TANC1: variants seen among roughly 807,000 people sequenced by gnomAD.
The protein encoded by TANC1 is protein TANC1.
A neutral mutation model predicts 149.7 loss-of-function variants in TANC1; 77 were observed. The observed-to-expected ratio is 0.51, with a 90% CI of 0.43 to 0.62. The LOEUF is 0.62. Among genes scored for constraint, TANC1 ranks in the 20% least tolerant of loss-of-function variants. TANC1 has a pLI of 0.00. For missense variants in TANC1, 1,985 were observed against 2,321.8 expected, an observed-to-expected ratio of 0.85 and a Z score of 2.98; for synonymous variants, 854 against 925.0, an observed-to-expected ratio of 0.92 and a Z score of 1.39.
rs188421479 is a variant in TANC1 at position 158,993,012 on chromosome 2, G to A, written c.-125-8068G>A. 9.9e-5 allele frequency among the ~76,000 whole-genome samples: 15 copies of A among 152,244 alleles called. No homozygotes were observed. The East Asian group carries it at 2.9e-3, about 29-fold the overall frequency. ...ATCTCTTCCTAGACTCTTGGGGCTGGTATGACCTCTTTGTCATTAGAATCA... is the reference window on the plus strand; with the variant it reads ...ATCTCTTCCTAGACTCTTGGGGCTGATATGACCTCTTTGTCATTAGAATCA... On this transcript the variant is annotated intron_variant, in intron 1 of 26. Coordinates refer to ENST00000263635, the MANE Select transcript of TANC1 (RefSeq NM_033394.3).
intron 1 of TANC1, among the ~76,000 whole-genome samples, chr2:158,991,872 A>G (rs2035666361): frequency 1.3e-5 from 2 of 152,250 alleles, no homozygotes; most frequent in African/African-American, 2.4e-5. Flanking sequence ...AGTATTATGC[A>G]TAATGCTAGA....
At chr2:159,039,870 C>T (rs902956116) in intron 2 of TANC1, among the ~76,000 whole-genome samples, 3 of 152,190 alleles carry the variant, frequency 2.0e-5, no homozygotes, top group African/African-American at 7.2e-5. Context: ...ATTAGGTCCA[C>T]TTGGTGCAGA....
intron 2 of TANC1, among the ~76,000 whole-genome samples, chr2:159,054,049 C>T (rs1034564225): frequency 6.6e-5 from 10 of 152,016 alleles, no homozygotes; most frequent in Non-Finnish European, 1.2e-4. Flanking sequence ...GTGTGTGAGC[C>T]GTGTGTATGT....
intron 19 of TANC1, among the ~76,000 whole-genome samples, chr2:159,206,992 A>C (rs2150811138): frequency 6.6e-6 from 1 of 152,374 alleles, no homozygotes; most frequent in Non-Finnish European, 1.5e-5. Context: ...CAAAGTCTGT[A>C]TGAAAGATGG....
chr2:159,081,266 C>T (rs995066934), intron 3 of TANC1, among the ~76,000 whole-genome samples: 14 of 152,078 alleles, frequency 9.2e-5, no homozygotes, highest in Admixed American at 8.5e-4. Context: ...AGTGTCCATC[C>T]CTCATGTAAT....
intron 5 of TANC1, among the ~76,000 whole-genome samples, chr2:159,137,570 GGT>G (rs1159912734): frequency 6.6e-6 from 1 of 152,200 alleles, no homozygotes; most frequent in Non-Finnish European, 1.5e-5. Context: ...ATTCCACTGT[GGT>G]GTCTGGTTAG....
Position 159,178,952 on chromosome 2 carries a change from C to T in TANC1, c.2299C>T (p.Pro767Ser). Residue 767 changes from proline to serine, a missense_variant, in exon 14 of 27, where the codon CCC becomes TCC. Pro to Ser is a moderately conservative substitution (Grantham distance 74). Transcript: ENST00000263635. ...ILNVALASLH[P>S]MTDEQIFQAI... ...CAACGTGGCCCTCGCATCCCTCCAC[C>T]CCATGACAGACGAGCAGATCTTTCA... 1 of 1,614,176 alleles carries T rather than the reference C, an allele frequency of 6.2e-7. No homozygotes were observed. Among genetic ancestry groups the T allele is most frequent in the Non-Finnish European group, 8.5e-7 (1 of 1,180,048 alleles).
intron 2 of TANC1, among the ~76,000 whole-genome samples, chr2:159,043,118 G>A (rs1304874371): frequency 6.6e-6 from 1 of 152,140 alleles, no homozygotes; most frequent in Non-Finnish European, 1.5e-5. Flanking sequence ...CCAATCCCCG[G>A]TCACTCTGCT....
chr2:159,091,961 T>TGGGGG (rs369325870), intron 3 of TANC1, among the ~76,000 whole-genome samples: 1 of 135,830 alleles, frequency 7.4e-6, no homozygotes. Context: ...TCTGTAAATA[T>TGGGGG]AGGGGGGGGT....
At chr2:159,198,618 A>G (rs1464230773) in intron 18 of TANC1, among the ~76,000 whole-genome samples, 1 of 152,252 alleles carries the variant, frequency 6.6e-6, no homozygotes, top group East Asian at 1.9e-4. Context: ...TTCCTTGTGA[A>G]AAACTGATTC....
At chr2:159,017,303 A>G (rs1302393697) in intron 2 of TANC1, among the ~76,000 whole-genome samples, 1 of 152,224 alleles carries the variant, frequency 6.6e-6, no homozygotes, top group Non-Finnish European at 1.5e-5. Flanking sequence ...TGTAATATTT[A>G]TAAGATAAAA....
At chr2:159,207,586 G>A (rs1482806666) in intron 19 of TANC1, among the ~76,000 whole-genome samples, 1 of 149,852 alleles carries the variant, frequency 6.7e-6, no homozygotes, top group Non-Finnish European at 1.5e-5. Flanking sequence ...TGTAATCTCA[G>A]CTACTCAGGA....
chr2:159,219,929 C>G (rs2059581311), intron 22 of TANC1, 62 bp downstream of exon 22: 3 of 1,541,484 alleles, frequency 1.9e-6, no homozygotes, highest in Non-Finnish European at 2.7e-6. Flanking sequence ...AGGAAGTGAA[C>G]AGCTCAATCC....
At chr2:159,032,025 T>C (rs959434805) in intron 2 of TANC1, among the ~76,000 whole-genome samples, 21 of 152,218 alleles carry the variant, frequency 1.4e-4, no homozygotes, top group African/African-American at 4.3e-4. Flanking sequence ...TCAAATACCT[T>C]CTTCCCTAAG....
At chr2:159,176,001 G>C (rs1199890727) in intron 12 of TANC1, among the ~76,000 whole-genome samples, 2 of 152,160 alleles carry the variant, frequency 1.3e-5, no homozygotes, top group Non-Finnish European at 2.9e-5. Context: ...CTCATGGGGG[G>C]ACCTAGTGAC....
chr2:159,207,385 T>C (rs1575259487), intron 19 of TANC1, among the ~76,000 whole-genome samples: 1 of 152,180 alleles, frequency 6.6e-6, no homozygotes, highest in African/African-American at 2.4e-5. Flanking sequence ...GGTGACTTCC[T>C]GGAGGCAGCA....
In TANC1 at chr2:159,228,864, T is replaced by C. The variant is rs766255239; in HGVS notation, c.4119T>C (p.Phe1373=). The C allele has an allele frequency of 6.2e-7, 1 of 1,614,144 alleles. No homozygotes were observed. Among genetic ancestry groups the C allele is most frequent in the East Asian group, 2.2e-5 (1 of 44,884 alleles). The change falls in exon 26 of 27, where the codon TTT becomes TTC. Residue 1373 remains phenylalanine, a synonymous_variant. Transcript: ENST00000263635. ...LELKPKSYEA[F]YARARAKRNS... ...TGAAGCCCAAGTCCTATGAAGCCTTTTATGCCAGAGCAAGAGCGAAGAGAA... is the reference window on the plus strand; with the variant it reads ...TGAAGCCCAAGTCCTATGAAGCCTTCTATGCCAGAGCAAGAGCGAAGAGAA...
intron 2 of TANC1, among the ~76,000 whole-genome samples, chr2:159,018,525 T>G (rs1244152257): frequency 6.6e-6 from 1 of 152,234 alleles, no homozygotes; most frequent in Non-Finnish European, 1.5e-5. Flanking sequence ...GTCCAAAATG[T>G]AAGTGTACGG....
In TANC1 at chr2:159,176,412, T is replaced by G; in HGVS notation, c.1796T>G (p.Phe599Cys). 1 of 1,578,614 alleles carries G rather than the reference T, an allele frequency of 6.3e-7. No homozygotes were observed. The highest frequency in any genetic ancestry group is 8.6e-7 in the Non-Finnish European group (1 of 1,162,938). Residue 599 changes from phenylalanine to cysteine, a missense_variant, in exon 13 of 27, where the codon TTT (phenylalanine) becomes TGT (cysteine). Physicochemically the swap from Phe to Cys is radical, Grantham distance 205 (BLOSUM62 -2). Coordinates refer to ENST00000263635, the MANE Select transcript of TANC1 (RefSeq NM_033394.3). ...ATAGATGGCTTAAATGAAGCTGAGTTTCATAAACCTGATTATGGAGATACG... is the reference window on the plus strand; with the variant it reads ...ATAGATGGCTTAAATGAAGCTGAGTGTCATAAACCTGATTATGGAGATACG... ...ILIDGLNEAE[F>C]HKPDYGDTLS... is the part of the protein sequence containing the mutation.
Sources: allele counts gnomAD v4.1 joint callset (sites outside exome capture counted in the v4.1 genomes callset), GRCh38; gene constraint gnomAD v4.1.1; transcripts MANE v1.5; gene names NCBI Gene and HGNC (gene_info 2026-07-23, HGNC 2026-07-21).